Variants in MYO9A observed in about 807,000 individuals in gnomAD.
MYO9A encodes unconventional myosin-IXa.
MYO9A carries 103 observed loss-of-function variants against 293.3 expected under a neutral mutation model. That is an observed-to-expected ratio of 0.35 (90% confidence interval 0.30 to 0.41). The LOEUF is 0.41. Ranked by LOEUF, MYO9A falls within the 10% of genes least tolerant of loss-of-function variation. The pLI, the probability that MYO9A is intolerant of heterozygous loss-of-function variation, is 1.00. For missense variants in MYO9A, 2,685 were observed against 3,033.0 expected (o/e 0.89, Z 2.69); for synonymous variants, 1,001 against 1,035.7 (o/e 0.97, Z 0.64).
chr15:71,975,785 T>A (rs2076130142), intron 12 of MYO9A, among the ~76,000 whole-genome samples: 1 of 152,144 alleles, frequency 6.6e-6, no homozygotes, highest in African/African-American at 2.4e-5. Context: ...GATCATACTC[T>A]TTTTGTCCAA....
intron 27 of MYO9A, among the ~76,000 whole-genome samples, chr15:71,887,043 T>G (rs984483814): frequency 1.1e-4 from 17 of 152,136 alleles, no homozygotes; most frequent in Non-Finnish European, 1.3e-4. Flanking sequence ...AGATATTTAT[T>G]TGAAAAATAA....
intron 8 of MYO9A, among the ~76,000 whole-genome samples, chr15:72,001,063 T>C (rs973012297): frequency 2.0e-5 from 3 of 152,190 alleles, no homozygotes; most frequent in African/African-American, 7.2e-5. Flanking sequence ...TTTACCAATA[T>C]GCTCTCTCAG....
Position 71,898,698 on chromosome 15 carries a change from G to A in MYO9A, c.3805C>T (p.Arg1269Trp), listed in dbSNP as rs990849604. 1.2e-5 allele frequency: 20 copies of A among 1,613,548 alleles called. No homozygotes were observed. Among genetic ancestry groups the A allele is most frequent in the East Asian group, 2.2e-5 (1 of 44,868 alleles). Residue 1269 changes from arginine (R) to tryptophan (W), a missense_variant, in exon 25 of 42, where the codon CGG (arginine) becomes TGG (tryptophan). By Grantham distance (101) the Arg-to-Trp change is moderately radical. Around this residue, in one of 10 missense-constraint regions of MYO9A, gnomAD observed 1,434 missense variants for 1,497.7 expected, o/e 0.96. Coordinates refer to ENST00000356056, the MANE Select transcript of MYO9A (RefSeq NM_006901.4). The part of the protein sequence containing the change: ...LEDLHQKKVG[R>W]AKRESRRMRE... The stretch of plus-strand genomic sequence containing the variant: ...ATTCTCCTACTTTCTCTCTTAGCCC[G>A]GCCTACTTTTTTCTGATGGAGATCC...
chr15:71,862,020 A>G (rs759666003), intron 33 of MYO9A, among the ~76,000 whole-genome samples: 1 of 152,172 alleles, frequency 6.6e-6, no homozygotes, highest in Non-Finnish European at 1.5e-5. Context: ...AATCCCAGCT[A>G]CTCGGGAGGC....
upstream of MYO9A, chr15:72,118,320 G>A (rs2081085024): frequency 4.5e-6 from 1 of 220,788 alleles, no homozygotes; most frequent in Non-Finnish European, 8.8e-6. Context: ...GGCAGAGCAG[G>A]GAACTCAGCT....
At chr15:71,956,330 A>AAATATAT (rs10642655) in intron 14 of MYO9A, among the ~76,000 whole-genome samples, 27 of 75,576 alleles carry the variant, frequency 3.6e-4, no homozygotes, top group Admixed American at 1.0e-3. Flanking sequence ...AAAAAAAAAA[A>AAATATAT]ATATATATAT....
intron 26 of MYO9A, chr15:71,893,213 A>G: frequency 8.2e-7 from 1 of 1,216,100 alleles, no homozygotes; most frequent in South Asian, 1.4e-5. Flanking sequence ...TAACACAACA[A>G]TGTTTGGGGT....
chr15:71,930,111 G>A (rs117578094), intron 18 of MYO9A, among the ~76,000 whole-genome samples: 3,577 of 152,236 alleles, frequency 0.023, 88 homozygotes, highest in Non-Finnish European at 0.033. Context: ...CAGGCATGGT[G>A]GCTCAATGCC....
rs1209732080 is a variant in MYO9A at position 72,117,786 on chromosome 15, C to G, written c.-178G>C. On this transcript the variant is annotated 5_prime_UTR_variant, in exon 1 of 42. Transcript: ENST00000356056. ...CGGAGATGGCAGAAGAGGCCGAGGC[C>G]ACCGAGGGTCGGACGGTTCCGGGAG... is the stretch of plus-strand genomic sequence containing the variant. The G allele has an allele frequency of 5.0e-6, 2 of 398,182 alleles. No individual in the cohort carries two copies. The highest frequency in any genetic ancestry group is 4.1e-5 in the African/African-American group (2 of 48,586). 24.7% of individuals were successfully genotyped at this position (398,182 alleles called of 1,614,324 possible). A position where few individuals can be genotyped will look rare whatever the true frequency, so the allele number is the denominator to read the frequency against.
chr15:71,915,094 T>C (rs1333815708), intron 19 of MYO9A, among the ~76,000 whole-genome samples: 3 of 152,202 alleles, frequency 2.0e-5, no homozygotes, highest in Non-Finnish European at 4.4e-5. Flanking sequence ...TAAAAAATTG[T>C]ATTAAGTCTG....
chr15:71,975,109 T>A (rs193233690), intron 12 of MYO9A, among the ~76,000 whole-genome samples: 1 of 152,328 alleles, frequency 6.6e-6, no homozygotes, highest in Admixed American at 6.5e-5. Context: ...CTGACAAGAC[T>A]GAAAGGAAGC....
At chr15:72,110,144 G>A (rs375724111) in intron 1 of MYO9A, among the ~76,000 whole-genome samples, 211 of 150,876 alleles carry the variant, frequency 1.4e-3, no homozygotes, top group African/African-American at 4.5e-3. Context: ...AAAACAAAAA[G>A]GAAATTCCAG....
At position 71,897,708 on chromosome 15, in the gene MYO9A, G is replaced by A. The variant is rs1165785666; in HGVS notation, c.4795C>T (p.Arg1599Ter). 2.5e-6 allele frequency: 4 copies of A among 1,614,098 alleles called. No individual in the cohort carries two copies. Among genetic ancestry groups the A allele is most frequent in the East Asian group, 2.2e-5 (1 of 44,878 alleles). ...SSSAHLPPKD[R>*]PVTVFFERKG... The stretch of plus-strand genomic sequence containing the variant: ...CTTTCAAAGAACACGGTGACAGGTC[G>A]GTCCTTTGGGGGTAAGTGAGCAGAG... The change falls in exon 25 of 42, where the codon CGA becomes TGA. Residue 1599 changes from arginine (R) to a stop codon, truncating the protein, a stop_gained. Coordinates refer to ENST00000356056, the MANE Select transcript of MYO9A (RefSeq NM_006901.4). LOFTEE classifies it high-confidence loss of function.
chr15:72,002,325 G>A (rs557168584), intron 8 of MYO9A, among the ~76,000 whole-genome samples: 18 of 149,318 alleles, frequency 1.2e-4, no homozygotes, highest in East Asian at 7.9e-4. Flanking sequence ...CTGGCTCACC[G>A]CAACCTCCGC....
chr15:72,099,330 C>A (rs1358599775), intron 1 of MYO9A, among the ~76,000 whole-genome samples: 1 of 148,512 alleles, frequency 6.7e-6, no homozygotes, highest in Non-Finnish European at 1.5e-5. Context: ...GTCTCAGCTA[C>A]TCAGGAGGCT....
chr15:71,962,974 T>C (rs1163984383), intron 13 of MYO9A, among the ~76,000 whole-genome samples: 3 of 152,230 alleles, frequency 2.0e-5, no homozygotes, highest in Non-Finnish European at 2.9e-5. Flanking sequence ...CACAAGAACA[T>C]ACTTTGTGGT....
At chr15:72,116,003 G>GA (rs1240851254) in intron 1 of MYO9A, among the ~76,000 whole-genome samples, 3 of 152,100 alleles carry the variant, frequency 2.0e-5, no homozygotes, top group African/African-American at 7.2e-5. Context: ...CTAGGATGTA[G>GA]TATTAAGTAA....
At chr15:71,990,162 G>GCAA (rs886353740) in intron 11 of MYO9A, among the ~76,000 whole-genome samples, 37 of 149,018 alleles carry the variant, frequency 2.5e-4, no homozygotes, top group Non-Finnish European at 3.5e-4. Flanking sequence ...ACAGCTCACT[G>GCAA]CAACATACAC....
chr15:72,037,061 G>T (rs1362934882), intron 2 of MYO9A, among the ~76,000 whole-genome samples: 27 of 151,156 alleles, frequency 1.8e-4, no homozygotes, highest in Non-Finnish European at 3.5e-4. Flanking sequence ...TTGCAACAGG[G>T]TCTCACTCTG....
Sources: gnomAD v4.1 joint callset for allele counts (sites outside exome capture counted in the v4.1 genomes callset) on GRCh38, gnomAD v4.1.1 for gene constraint, gnomAD v4.1.1 regional missense constraint, MANE v1.5 for transcripts, NCBI Gene and HGNC (gene_info 2026-07-23, HGNC 2026-07-21) for gene names.